WDR64: variants seen among roughly 807,000 people sequenced by gnomAD.
WDR64 encodes the protein WD repeat domain 64.
In WDR64, 112 loss-of-function variants were observed where a neutral mutation model predicts 139.3. The observed-to-expected ratio is 0.80, with a 90% CI of 0.69 to 0.94. WDR64 has a LOEUF of 0.94. Ranked by LOEUF, WDR64 falls within the 40% of genes least tolerant of loss-of-function variation. The pLI is 0.00. For missense variants in WDR64, 1,206 were observed against 1,293.1 expected (o/e 0.93, Z 1.03); for synonymous variants, 444 against 437.7 (o/e 1.01, Z -0.18).
chr1:241,679,540 C>G lies in WDR64; in HGVS notation c.569C>G (p.Ala190Gly), dbSNP rs1666691575. 6.4e-7 allele frequency: 1 copy of G among 1,551,888 alleles called. No individual in the cohort carries two copies. Among genetic ancestry groups the G allele is most frequent in the Non-Finnish European group, 8.7e-7 (1 of 1,146,952 alleles). Reference protein sequence around the residue: ...DYLLQLKRIVATTERTIIVWD... With the variant: ...DYLLQLKRIVGTTERTIIVWD... ...CTCTTGCAGCTGAAACGAATCGTAG[C>G]CACAACCGAAAGGACCATTATTGTC... The change falls in exon 6 of 28, where the codon GCC (alanine) becomes GGC (glycine). Residue 190 changes from alanine (A) to glycine (G), a missense_variant. Physicochemically the swap from Ala to Gly is moderately conservative, Grantham distance 60. Coordinates refer to ENST00000437684, the MANE Select transcript of WDR64 (RefSeq NM_001367482.1).
intron 4 of WDR64, among the ~76,000 whole-genome samples, chr1:241,674,965 TC>T (rs1186515395): frequency 4.4e-5 from 1 of 22,568 alleles, no homozygotes; most frequent in African/African-American, 1.2e-4. Context: ...TCTCCTCCCT[TC>T]TTTTTCTTTC....
rs1260425497 is a variant in WDR64 at position 241,656,661 on chromosome 1, A to G, written c.146-3869A>G. On this transcript the variant is annotated intron_variant, in intron 1 of 27. Coordinates refer to ENST00000437684, the MANE Select transcript of WDR64 (RefSeq NM_001367482.1). The surrounding 1 kb of genome is among the most constrained non-coding windows in gnomAD (Gnocchi z 4.3). ...CTGGAAACCTGAGTGTCATTCTAGAACCAGGTATCTTAACCTTGGCACTAC... is the reference window on the plus strand; with the variant it reads ...CTGGAAACCTGAGTGTCATTCTAGAGCCAGGTATCTTAACCTTGGCACTAC... 6.6e-6 allele frequency among the ~76,000 whole-genome samples: 1 copy of G among 152,030 alleles called. No homozygotes were observed. The highest frequency in any genetic ancestry group is 1.5e-5 in the Non-Finnish European group (1 of 67,998).
chr1:241,720,107 TC>T lies in WDR64; in HGVS notation c.1055-3188del, dbSNP rs1290899898. 6.6e-5 allele frequency among the ~76,000 whole-genome samples: 10 copies of T among 152,334 alleles called. No individual in the cohort carries two copies. The East Asian group carries it at 1.9e-3, about 29-fold the overall frequency. On this transcript the variant is annotated intron_variant, in intron 9 of 27. Coordinates refer to ENST00000437684, the MANE Select transcript of WDR64 (RefSeq NM_001367482.1). ...CTGAGGATAACGGCTTCCAGCTCCA[TC>T]CACATCCTTGCAAAGGACATGATCT...
chr1:241,770,728 A>G, intron 18 of WDR64, 38 bp downstream of exon 18: 1 of 1,539,606 alleles, frequency 6.5e-7, no homozygotes, highest in South Asian at 1.2e-5. Flanking sequence ...TTCCTGTCAT[A>G]CTCAATGTTG....
Position 241,711,788 on chromosome 1 carries a change from T to G in WDR64, c.975-14T>G. ...AAAAATATATATGTTTTCCATCTAA[T>G]TTGTGTTTTCCAGGCCTGTCAGAGA... On this transcript the variant is annotated splice_polypyrimidine_tract_variant and intron_variant, in intron 8 of 27. Coordinates refer to ENST00000437684, the MANE Select transcript of WDR64 (RefSeq NM_001367482.1). 1 of 1,613,472 alleles carries G rather than the reference T, an allele frequency of 6.2e-7. No homozygotes were observed. Among genetic ancestry groups the G allele is most frequent in the Admixed American group, 1.7e-5 (1 of 60,034 alleles).
Position 241,687,448 on chromosome 1 carries a change from T to A in WDR64, c.840-13T>A. ...TCTAACATAAATCTCCCCTGCCTTT[T>A]CTTAATCCCCAGTGTTAAAAGGAAG... On this transcript the variant is annotated splice_polypyrimidine_tract_variant and intron_variant, in intron 7 of 27. Coordinates refer to ENST00000437684, the MANE Select transcript of WDR64 (RefSeq NM_001367482.1). 1 of 1,613,328 alleles carries A rather than the reference T, an allele frequency of 6.2e-7. No individual in the cohort carries two copies. The highest frequency in any genetic ancestry group is 8.5e-7 in the Non-Finnish European group (1 of 1,179,746).
chr1:241,798,910 G>C (rs937330740), intron 27 of WDR64, among the ~76,000 whole-genome samples: 4 of 152,046 alleles, frequency 2.6e-5, no homozygotes, highest in African/African-American at 9.7e-5. Context: ...CAGAACATGA[G>C]TTTGTATTTC....
At position 241,683,586 on chromosome 1, in the gene WDR64, G is replaced by T. The variant is rs1329218163; in HGVS notation, c.724G>T (p.Asp242Tyr). 2.6e-6 allele frequency: 4 copies of T among 1,551,594 alleles called. No homozygotes were observed. Among genetic ancestry groups the T allele is most frequent in the Non-Finnish European group, 3.5e-6 (4 of 1,147,010 alleles). ...CTGCCGAGATGACATCCTCTTGGGG[G>T]ATGATGGGGGTTTTGTGAACAGATT... ...HLCRDDILLG[D>Y]DGGFVNRFTV... is the part of the protein sequence containing the mutation. Residue 242 changes from aspartate to tyrosine, a missense_variant, in exon 7 of 28, where the codon GAT becomes TAT. Physicochemically the swap from Asp to Tyr is radical, Grantham distance 160. Transcript: ENST00000437684.
chr1:241,683,655 A>G lies in WDR64; in HGVS notation c.793A>G (p.Lys265Glu). 1.3e-6 allele frequency: 2 copies of G among 1,551,558 alleles called. No individual in the cohort carries two copies. The highest frequency in any genetic ancestry group is 1.7e-6 in the Non-Finnish European group (2 of 1,146,898). ...DDFGIKQAKSKRKLQNQVLDS... is the reference protein window; with the variant it reads ...DDFGIKQAKSERKLQNQVLDS... ...CTTTGGAATAAAGCAGGCAAAATCC[A>G]AAAGAAAATTACAAAATCAGGTCTT... The change falls in exon 7 of 28, where the codon AAA becomes GAA. Residue 265 changes from lysine (K) to glutamate (E), a missense_variant. Physicochemically the swap from Lys to Glu is moderately conservative, Grantham distance 56. Transcript: ENST00000437684.
Position 241,801,363 on chromosome 1 carries a change from A to G in WDR64, c.*148A>G. On this transcript the variant is annotated 3_prime_UTR_variant, in exon 28 of 28. Transcript: ENST00000437684. Reference sequence around the variant, plus strand: ...ATCCTATTGATGGGAAAGATTGCTTAGGGAGTTCTGGTGACCTTAACTCTG... The same window carrying G: ...ATCCTATTGATGGGAAAGATTGCTTGGGGAGTTCTGGTGACCTTAACTCTG... 1.5e-6 allele frequency: 1 copy of G among 666,226 alleles called. No individual in the cohort carries two copies. Among genetic ancestry groups the G allele is most frequent in the South Asian group, 2.3e-5 (1 of 44,118 alleles). 41.3% of individuals were successfully genotyped at this position (666,226 alleles called of 1,614,324 possible). A position where few individuals can be genotyped will look rare whatever the true frequency, so the allele number is the denominator to read the frequency against.
chr1:241,776,557 A>G (rs958955597), intron 21 of WDR64, among the ~76,000 whole-genome samples: 1 of 151,938 alleles, frequency 6.6e-6, no homozygotes, highest in African/African-American at 2.4e-5. Context: ...TTTTTTGCTT[A>G]CCACCAATCC....
At chr1:241,733,025 G>T (rs1391929500) in intron 10 of WDR64, among the ~76,000 whole-genome samples, 2 of 152,004 alleles carry the variant, frequency 1.3e-5, no homozygotes, top group South Asian at 2.1e-4. Flanking sequence ...CTTACAAAAG[G>T]CTCCAGAAGT....
intron 1 of WDR64, among the ~76,000 whole-genome samples, chr1:241,653,549 T>C (rs924785615): frequency 4.0e-5 from 6 of 151,336 alleles, no homozygotes; most frequent in African/African-American, 1.2e-4. Context: ...TTTTCTTTTT[T>C]TTTTTTTTTC....
At chr1:241,796,642 G>A (rs1035253988) in intron 27 of WDR64, among the ~76,000 whole-genome samples, 13 of 152,064 alleles carry the variant, frequency 8.5e-5, no homozygotes, top group Admixed American at 2.0e-4. Context: ...ACAGGCATGC[G>A]CCACTGTGTC....
chr1:241,787,121 G>A (rs372327413), intron 23 of WDR64, among the ~76,000 whole-genome samples: 1 of 151,648 alleles, frequency 6.6e-6, no homozygotes, highest in East Asian at 1.9e-4. Context: ...TTGGGAGCCC[G>A]AGGCGGGTGG....
At chr1:241,734,577 T>C (rs2148226522) in intron 10 of WDR64, among the ~76,000 whole-genome samples, 1 of 152,252 alleles carries the variant, frequency 6.6e-6, no homozygotes, top group Non-Finnish European at 1.5e-5. Context: ...TAAATTCCTA[T>C]TTGACCAAGA....
chr1:241,797,246 C>A (rs1056906536), intron 27 of WDR64, among the ~76,000 whole-genome samples: 1 of 152,162 alleles, frequency 6.6e-6, no homozygotes. Context: ...TACCAAAGAT[C>A]ACATACAAAT....
chr1:241,732,911 G>C (rs1669142624), intron 10 of WDR64, among the ~76,000 whole-genome samples: 1 of 152,064 alleles, frequency 6.6e-6, no homozygotes, highest in African/African-American at 2.4e-5. Flanking sequence ...AAAGTTTGCA[G>C]GAAGAAATGC....
chr1:241,774,239 C>T (rs1354208088), intron 20 of WDR64, among the ~76,000 whole-genome samples: 4 of 152,274 alleles, frequency 2.6e-5, no homozygotes, highest in Middle Eastern at 3.4e-3. Context: ...AACACGGAAC[C>T]GCATGGCTTT....
Sources: gnomAD v4.1 joint callset for allele counts (sites outside exome capture counted in the v4.1 genomes callset) on GRCh38, gnomAD v4.1.1 for gene constraint, Gnocchi (gnomAD v3.1) non-coding constraint, MANE v1.5 for transcripts, NCBI Gene and HGNC (gene_info 2026-07-23, HGNC 2026-07-21) for gene names.